The following PCDHA12 variants were observed in gnomAD, a reference collection of about 807,000 sequenced individuals.
PCDHA12 encodes the protein protocadherin alpha-12.
PCDHA12 carries 44 observed loss-of-function variants against 60.0 expected under a neutral mutation model. The observed-to-expected ratio is 0.73, with a 90% CI of 0.58 to 0.94. The LOEUF is 0.94. PCDHA12 is among the 40% of genes least tolerant of loss of function. The probability of loss-of-function intolerance (pLI) is 0.00; values close to 1 mark genes in which losing one functional copy is unlikely to be tolerated. For synonymous variants in PCDHA12, 569 were observed against 553.0 expected (o/e 1.03, Z -0.40); for missense variants, 1,276 against 1,239.7 (o/e 1.03, Z -0.44).
intron 1 of PCDHA12, among the ~76,000 whole-genome samples, chr5:140,961,121 T>A (rs551567804): frequency 6.6e-6 from 1 of 152,330 alleles, no homozygotes; most frequent in African/African-American, 2.4e-5. Context: ...TGCATCTTAA[T>A]GTCTTGGCAC....
At chr5:140,962,170 C>T (rs1326323755) in intron 1 of PCDHA12, among the ~76,000 whole-genome samples, 6 of 152,194 alleles carry the variant, frequency 3.9e-5, no homozygotes, top group South Asian at 4.1e-4. Context: ...CCACCACACC[C>T]GGCCACTTAT....
At chr5:140,884,046 A>T in intron 1 of PCDHA12, 1 of 1,613,474 alleles carries the variant, frequency 6.2e-7, no homozygotes, top group Non-Finnish European at 8.5e-7. Flanking sequence ...GTGGTGGCGA[A>T]GGTGCGCGCG....
chr5:140,915,205 C>G (rs1554196797), intron 1 of PCDHA12, among the ~76,000 whole-genome samples: 1 of 152,076 alleles, frequency 6.6e-6, no homozygotes, highest in Non-Finnish European at 1.5e-5. Flanking sequence ...TCTTGGCCTC[C>G]CAAAGTGCTG....
At chr5:140,926,217 T>C (rs1201243643) in intron 1 of PCDHA12, among the ~76,000 whole-genome samples, 1 of 151,994 alleles carries the variant, frequency 6.6e-6, no homozygotes, top group African/African-American at 2.4e-5. Flanking sequence ...CCTGTTTCCT[T>C]AAGCCTAGAA....
chr5:140,928,716 C>G (rs555492959), intron 1 of PCDHA12: 3 of 1,614,178 alleles, frequency 1.9e-6, no homozygotes, highest in Non-Finnish European at 2.5e-6. Flanking sequence ...ACTCTAGTCT[C>G]TTTAGAATTT....
intron 1 of PCDHA12, among the ~76,000 whole-genome samples, chr5:140,915,400 T>C (rs1554196884): frequency 6.6e-6 from 1 of 152,224 alleles, no homozygotes; most frequent in East Asian, 1.9e-4. Context: ...GTATTTCTTA[T>C]AGTCTTTGCA....
At chr5:140,998,211 T>C (rs2097801578) in intron 3 of PCDHA12, among the ~76,000 whole-genome samples, 1 of 152,226 alleles carries the variant, frequency 6.6e-6, no homozygotes. Context: ...TTAATCTGTA[T>C]AACCACACCC....
chr5:140,908,416 G>GGAAT (rs1303787034), intron 1 of PCDHA12, among the ~76,000 whole-genome samples: 1 of 152,152 alleles, frequency 6.6e-6, no homozygotes, highest in African/African-American at 2.4e-5. Flanking sequence ...ATTTGATGAT[G>GGAAT]GAATGCTGCT....
At chr5:140,966,666 C>T (rs2153748360) in intron 1 of PCDHA12, 7 of 1,259,308 alleles carry the variant, frequency 5.6e-6, no homozygotes, top group Non-Finnish European at 7.2e-6. Context: ...GGGGAGCAGG[C>T]GCAGGGTGGC....
At chr5:140,912,310 A>T (rs936183695) in intron 1 of PCDHA12, among the ~76,000 whole-genome samples, 1 of 151,764 alleles carries the variant, frequency 6.6e-6, no homozygotes, top group African/African-American at 2.4e-5. Flanking sequence ...AATCCAGTCA[A>T]GTTGACCCTC....
At chr5:141,000,361 GTCTC>G (rs148596731) in intron 3 of PCDHA12, among the ~76,000 whole-genome samples, 1,917 of 26,274 alleles carry the variant, frequency 0.073, 118 homozygotes, top group African/African-American at 0.11. Flanking sequence ...GTCTCTCTCT[GTCTC>G]TCTCTCTCTC....
rs373922357 is a variant in PCDHA12, at chr5:140,927,079, G to A, written c.2367+49240G>A. ...CTTTCGCTTCCTTTCCAGCCACCGC[G>A]AGCTCTACTTCGGGGTGGATCTACC... On this transcript the variant is annotated intron_variant, in intron 1 of 3. Transcript: ENST00000398631. 2.5e-6 allele frequency: 4 copies of A among 1,610,988 alleles called. No homozygotes were observed. The highest frequency in any genetic ancestry group is 2.5e-6 in the Non-Finnish European group (3 of 1,177,702).
At chr5:140,890,217 G>T (rs2153429721) in intron 1 of PCDHA12, among the ~76,000 whole-genome samples, 1 of 152,142 alleles carries the variant, frequency 6.6e-6, no homozygotes, top group South Asian at 2.1e-4. Context: ...TTTTCCCAGA[G>T]ACCTAGTTGT....
At chr5:140,960,273 C>T (rs1490527862) in intron 1 of PCDHA12, among the ~76,000 whole-genome samples, 1 of 152,148 alleles carries the variant, frequency 6.6e-6, no homozygotes, top group Non-Finnish European at 1.5e-5. Context: ...AATTCCGTCA[C>T]CTTTTTGGGA....
At chr5:140,964,584 A>G (rs1347418719) in intron 1 of PCDHA12, among the ~76,000 whole-genome samples, 2 of 152,132 alleles carry the variant, frequency 1.3e-5, no homozygotes, top group African/African-American at 4.8e-5. Context: ...GGGAGGAAAG[A>G]TCACTTTTCA....
chr5:140,904,901 T>C (rs782489947), intron 1 of PCDHA12, among the ~76,000 whole-genome samples: 9 of 152,224 alleles, frequency 5.9e-5, no homozygotes, highest in Non-Finnish European at 1.0e-4. Context: ...TTTGTTTTTC[T>C]TACTGATTTG....
chr5:140,926,652 C>T, intron 1 of PCDHA12: 1 of 499,312 alleles, frequency 2.0e-6, no homozygotes, highest in East Asian at 3.6e-5. Flanking sequence ...CGGCCGGCTC[C>T]GCTTTCCCAG....
chr5:140,877,444 G>A lies in PCDHA12; in HGVS notation c.1972G>A (p.Ala658Thr), dbSNP rs782552942. Reference sequence around the variant, plus strand: ...GCTGGTGAAGGACCACGGTGAGCCCGCGCTGACGTCCACGGCCACGGTGCT... The same window carrying A: ...GCTGGTGAAGGACCACGGTGAGCCCACGCTGACGTCCACGGCCACGGTGCT... ...LVLVKDHGEPALTSTATVLVS... is the reference protein window; with the variant it reads ...LVLVKDHGEPTLTSTATVLVS... Residue 658 changes from alanine to threonine, a missense_variant, in exon 1 of 4, where the codon GCG becomes ACG. Transcript: ENST00000398631. 6.2e-7 allele frequency: 1 copy of A among 1,613,864 alleles called. No homozygotes were observed. Among genetic ancestry groups the A allele is most frequent in the South Asian group, 1.1e-5 (1 of 91,070 alleles).
At chr5:140,938,278 G>A (rs1394435028) in intron 1 of PCDHA12, among the ~76,000 whole-genome samples, 1 of 152,090 alleles carries the variant, frequency 6.6e-6, no homozygotes, top group African/African-American at 2.4e-5. Context: ...TAGTTTTCTT[G>A]CTTTCTGTCA....
Sources: allele counts gnomAD v4.1 joint callset (sites outside exome capture counted in the v4.1 genomes callset), GRCh38; gene constraint gnomAD v4.1.1; transcripts MANE v1.5; gene names NCBI Gene and HGNC (gene_info 2026-07-23, HGNC 2026-07-21).